Variants in GUCY1A2 observed in about 807,000 individuals in gnomAD.
GUCY1A2 encodes the protein guanylate cyclase 1 soluble subunit alpha 2.
GUCY1A2 carries 27 observed loss-of-function variants against 63.5 expected under a neutral mutation model. That is an observed-to-expected ratio of 0.43 (90% confidence interval 0.31 to 0.59). The LOEUF is 0.59. GUCY1A2 is among the 20% of genes least tolerant of loss of function. GUCY1A2 has a pLI of 0.11. For synonymous variants in GUCY1A2, 364 were observed against 343.5 expected (o/e 1.06, Z -0.66); for missense variants, 768 against 913.3 (o/e 0.84, Z 2.05).
At chr11:106,937,212 T>C (rs967834374) in intron 4 of GUCY1A2, among the ~76,000 whole-genome samples, 1 of 152,162 alleles carries the variant, frequency 6.6e-6, no homozygotes, top group Non-Finnish European at 1.5e-5. Flanking sequence ...AAATCCTGCC[T>C]ATTACTTTAT....
chr11:106,876,358 C>A (rs1591310822), intron 4 of GUCY1A2, among the ~76,000 whole-genome samples: 1 of 152,002 alleles, frequency 6.6e-6, no homozygotes, highest in Non-Finnish European at 1.5e-5. Flanking sequence ...GGTCCAAAAA[C>A]AGATACAATA....
At chr11:106,715,006 C>T (rs1188176571) in intron 6 of GUCY1A2, among the ~76,000 whole-genome samples, 1 of 152,060 alleles carries the variant, frequency 6.6e-6, no homozygotes, top group Non-Finnish European at 1.5e-5. Flanking sequence ...AAATATTTGT[C>T]CTAGGGATTT....
chr11:107,001,197 G>A (rs935422371), intron 1 of GUCY1A2, among the ~76,000 whole-genome samples: 5 of 152,112 alleles, frequency 3.3e-5, no homozygotes, highest in African/African-American at 1.2e-4. Context: ...CAAGAAAATA[G>A]GTAGCAGAGC....
At chr11:106,878,667 A>G (rs1859783573) in intron 4 of GUCY1A2, among the ~76,000 whole-genome samples, 1 of 151,820 alleles carries the variant, frequency 6.6e-6, no homozygotes. Context: ...TGGAAAAATA[A>G]CTAATGGGTA....
chr11:107,008,348 A>C (rs1022794216), intron 1 of GUCY1A2, among the ~76,000 whole-genome samples: 6 of 152,132 alleles, frequency 3.9e-5, no homozygotes, highest in Admixed American at 2.6e-4. Flanking sequence ...AAACCTACAG[A>C]TTATTATGAA....
At chr11:106,854,010 C>G (rs1295001286) in intron 4 of GUCY1A2, among the ~76,000 whole-genome samples, 5 of 152,190 alleles carry the variant, frequency 3.3e-5, no homozygotes, top group Non-Finnish European at 7.3e-5. Context: ...TGGGCTGGTC[C>G]TTGGGCATGA....
intron 4 of GUCY1A2, among the ~76,000 whole-genome samples, chr11:106,863,551 A>G (rs944721780): frequency 6.6e-6 from 1 of 152,046 alleles, no homozygotes; most frequent in Non-Finnish European, 1.5e-5. Flanking sequence ...GCCTTGTAGT[A>G]TAGTCTGATG....
chr11:106,729,465 T>A, intron 6 of GUCY1A2, among the ~76,000 whole-genome samples: 1 of 152,142 alleles, frequency 6.6e-6, no homozygotes, highest in East Asian at 1.9e-4. Flanking sequence ...AACTGAGAAA[T>A]ATATTCAAAA....
intron 7 of GUCY1A2, among the ~76,000 whole-genome samples, chr11:106,699,453 G>A (rs1862779202): frequency 6.6e-6 from 1 of 152,120 alleles, no homozygotes; most frequent in Non-Finnish European, 1.5e-5. Flanking sequence ...CCACATTTAA[G>A]CAGAGTTGCC....
At chr11:106,869,310 A>C (rs1859640134) in intron 4 of GUCY1A2, among the ~76,000 whole-genome samples, 1 of 152,122 alleles carries the variant, frequency 6.6e-6, no homozygotes, top group African/African-American at 2.4e-5. Flanking sequence ...CTACCATCAG[A>C]GTGAACAGGC....
chr11:106,915,776 C>T (rs1860362446), intron 4 of GUCY1A2, among the ~76,000 whole-genome samples: 1 of 145,130 alleles, frequency 6.9e-6, no homozygotes, highest in African/African-American at 2.4e-5. Context: ...TAAGATTTCA[C>T]ACTATTTGTG....
intron 7 of GUCY1A2, among the ~76,000 whole-genome samples, chr11:106,705,776 C>T (rs993902119): frequency 6.6e-6 from 1 of 152,074 alleles, no homozygotes; most frequent in Non-Finnish European, 1.5e-5. Context: ...AGGAGAATCC[C>T]TTGAACCCGG....
At chr11:106,822,715 A>G (rs1395724247) in intron 4 of GUCY1A2, among the ~76,000 whole-genome samples, 1 of 152,204 alleles carries the variant, frequency 6.6e-6, no homozygotes, top group Non-Finnish European at 1.5e-5. Context: ...GGTCTCAAAA[A>G]GTCTAGAGTT....
chr11:106,867,626 C>A (rs117955992), intron 4 of GUCY1A2, among the ~76,000 whole-genome samples: 1 of 151,982 alleles, frequency 6.6e-6, no homozygotes, highest in African/African-American at 2.4e-5. Context: ...CCAAGTTCAA[C>A]GACACAGCAT....
At chr11:106,760,545 G>A (rs779545117) in intron 6 of GUCY1A2, among the ~76,000 whole-genome samples, 2 of 152,106 alleles carry the variant, frequency 1.3e-5, no homozygotes, top group Non-Finnish European at 2.9e-5. Flanking sequence ...TTTGGACAAA[G>A]TAGGTAAAAT....
At position 106,864,699 on chromosome 11, in the gene GUCY1A2, T is replaced by A. The variant is rs1475744445; in HGVS notation, c.1207-54221A>T. 7.9e-5 allele frequency among the ~76,000 whole-genome samples: 12 copies of A among 152,280 alleles called. No homozygotes were observed. In the East Asian group the frequency reaches 2.3e-3, roughly 29 times the overall value. On this transcript the variant is annotated intron_variant, in intron 4 of 7. Transcript: ENST00000526355. ...ATGTGGTTTTTGTCAATGGTTCTGT[T>A]TATGTGATGGATTACCTTTATTGAG...
intron 1 of GUCY1A2, among the ~76,000 whole-genome samples, chr11:107,010,636 A>G (rs977666205): frequency 1.3e-5 from 2 of 152,260 alleles, no homozygotes; most frequent in East Asian, 3.9e-4. Context: ...TGGTTGATGG[A>G]ACTAAATATA....
At chr11:106,785,593 A>T (rs1864542277) in intron 5 of GUCY1A2, among the ~76,000 whole-genome samples, 1 of 152,054 alleles carries the variant, frequency 6.6e-6, no homozygotes, top group Non-Finnish European at 1.5e-5. Flanking sequence ...GTTCTATTAA[A>T]TGCTTTAAAT....
At chr11:106,989,243 G>T (rs1198338574) in intron 1 of GUCY1A2, among the ~76,000 whole-genome samples, 1 of 152,160 alleles carries the variant, frequency 6.6e-6, no homozygotes, top group African/African-American at 2.4e-5. Context: ...TAGAAAAGAG[G>T]TTTTAAAGTC....
Sources: allele counts gnomAD v4.1 joint callset (sites outside exome capture counted in the v4.1 genomes callset), GRCh38; gene constraint gnomAD v4.1.1; transcripts MANE v1.5; gene names NCBI Gene and HGNC (gene_info 2026-07-23, HGNC 2026-07-21).